LRRTM4: variants seen among roughly 807,000 people sequenced by gnomAD.
LRRTM4 encodes the protein leucine-rich repeat transmembrane neuronal protein 4.
In LRRTM4, 25 loss-of-function variants were observed where a neutral mutation model predicts 47.6. The ratio of observed to expected loss-of-function variants is 0.53; its 90% CI spans 0.38 to 0.73. The LOEUF (loss-of-function observed/expected upper bound fraction) is 0.73, where lower values mean the gene tolerates loss of function less well. LRRTM4 is among the 30% of genes least tolerant of loss of function. The pLI is 0.00. For missense variants in LRRTM4, 638 were observed against 713.4 expected, an observed-to-expected ratio of 0.89 and a Z score of 1.20; for synonymous variants, 311 against 269.5, an observed-to-expected ratio of 1.15 and a Z score of -1.51.
At chr2:77,320,599 G>C (rs572006600) in intron 3 of LRRTM4, among the ~76,000 whole-genome samples, 5 of 152,110 alleles carry the variant, frequency 3.3e-5, no homozygotes, top group Admixed American at 6.6e-5. Context: ...GGATATAAGA[G>C]AAATGGAGGC....
rs145226354 is a variant in LRRTM4 at position 76,805,250 on chromosome 2, A to G, written c.1552-56334T>C. Reference sequence around the variant, plus strand: ...TAAAAAATTGTGTACAAACATCCCAATTGAGATGGCCAGGGGAAAGGTACA... The same window carrying G: ...TAAAAAATTGTGTACAAACATCCCAGTTGAGATGGCCAGGGGAAAGGTACA... On this transcript the variant is annotated intron_variant, in intron 3 of 3. Coordinates refer to ENST00000409884, the MANE Select transcript of LRRTM4 (RefSeq NM_001134745.3). Among the ~76,000 whole-genome samples the G allele has an allele frequency of 3.2e-3, 488 of 152,240 alleles. 3 individuals carry two copies. Among genetic ancestry groups the G allele is most frequent in the African/African-American group, 0.011 (457 of 41,552 alleles).
intron 3 of LRRTM4, among the ~76,000 whole-genome samples, chr2:76,972,361 C>G (rs1487828488): frequency 6.6e-6 from 1 of 151,360 alleles, no homozygotes; most frequent in Admixed American, 6.6e-5. Flanking sequence ...TCACCTGTCA[C>G]TCTCTGCCTT....
intron 3 of LRRTM4, among the ~76,000 whole-genome samples, chr2:77,503,871 A>T (rs6761838): frequency 0.33 from 49,772 of 151,292 alleles, 8,348 homozygotes; most frequent in Middle Eastern, 0.35. Flanking sequence ...AGAATTTTTT[A>T]AAAAATTATA....
chr2:76,929,138 A>G (rs531576005), intron 3 of LRRTM4, among the ~76,000 whole-genome samples: 90 of 152,200 alleles, frequency 5.9e-4, no homozygotes, highest in Non-Finnish European at 1.1e-3. Context: ...TCAGCCTCTC[A>G]GGAGGAGCTC....
At chr2:76,831,213 G>A (rs1008436632) in intron 3 of LRRTM4, among the ~76,000 whole-genome samples, 4 of 152,244 alleles carry the variant, frequency 2.6e-5, no homozygotes, top group African/African-American at 9.6e-5. Flanking sequence ...ATATGTGTGT[G>A]TGTGAAATGA....
chr2:76,963,050 CATA>C (rs1234948207), intron 3 of LRRTM4, among the ~76,000 whole-genome samples: 3 of 150,552 alleles, frequency 2.0e-5, no homozygotes, highest in Non-Finnish European at 3.0e-5. Flanking sequence ...ATAAATTATG[CATA>C]ATAAATTTAG....
intron 3 of LRRTM4, among the ~76,000 whole-genome samples, chr2:77,142,054 C>G (rs942325918): frequency 2.6e-5 from 4 of 152,154 alleles, no homozygotes; most frequent in Non-Finnish European, 4.4e-5. Flanking sequence ...CAACAGATTG[C>G]TTGTCAGTAT....
intron 3 of LRRTM4, among the ~76,000 whole-genome samples, chr2:77,036,484 GTTGACCA>G (rs1678841579): frequency 2.0e-5 from 3 of 151,600 alleles, no homozygotes; most frequent in African/African-American, 7.3e-5. Flanking sequence ...CAGAACTATT[GTTGACCA>G]GCCCAGTAAA....
chr2:77,385,641 C>T (rs1290068815), intron 3 of LRRTM4, among the ~76,000 whole-genome samples: 1 of 151,576 alleles, frequency 6.6e-6, no homozygotes, highest in Non-Finnish European at 1.5e-5. Flanking sequence ...GTATTAATCT[C>T]AAATTTTCAC....
intron 3 of LRRTM4, among the ~76,000 whole-genome samples, chr2:76,918,003 A>G (rs1397427472): frequency 6.6e-6 from 1 of 152,168 alleles, no homozygotes; most frequent in Non-Finnish European, 1.5e-5. Flanking sequence ...ACAGGCAAAA[A>G]TATGTCACCC....
intron 3 of LRRTM4, among the ~76,000 whole-genome samples, chr2:77,309,507 T>C (rs1677385325): frequency 6.6e-6 from 1 of 152,066 alleles, no homozygotes; most frequent in African/African-American, 2.4e-5. Flanking sequence ...ATGGAGGTAA[T>C]CCAAGGCTCA....
At position 77,078,394 on chromosome 2, in the gene LRRTM4, A is replaced by C. The variant is rs1447302820; in HGVS notation, c.1552-329478T>G. 4.6e-5 allele frequency among the ~76,000 whole-genome samples: 7 copies of C among 151,792 alleles called. No homozygotes were observed. The South Asian group carries it at 1.0e-3, about 23-fold the overall frequency. Reference sequence around the variant, plus strand: ...TACACACACACCCACACACACACACACACACACACACACATGTTCTGGTGC... The same window carrying C: ...TACACACACACCCACACACACACACCCACACACACACACATGTTCTGGTGC... On this transcript the variant is annotated intron_variant, in intron 3 of 3. Transcript: ENST00000409884.
At chr2:77,242,379 G>A (rs1034037946) in intron 3 of LRRTM4, among the ~76,000 whole-genome samples, 7 of 152,072 alleles carry the variant, frequency 4.6e-5, no homozygotes, top group Admixed American at 1.3e-4. Context: ...GAGTGAAAAT[G>A]CAACCATCCA....
At chr2:77,234,451 G>A (rs2103976685) in intron 3 of LRRTM4, among the ~76,000 whole-genome samples, 1 of 152,280 alleles carries the variant, frequency 6.6e-6, no homozygotes, top group Middle Eastern at 3.4e-3. Context: ...ATGTCTACAA[G>A]TGTAAAAAAT....
intron 3 of LRRTM4, among the ~76,000 whole-genome samples, chr2:77,482,182 G>T (rs550909607): frequency 6.8e-6 from 1 of 147,904 alleles, no homozygotes; most frequent in East Asian, 1.9e-4. Context: ...GACCATAGAG[G>T]ATTCTCACTA....
At chr2:77,105,620 T>G (rs1671075372) in intron 3 of LRRTM4, among the ~76,000 whole-genome samples, 1 of 152,102 alleles carries the variant, frequency 6.6e-6, no homozygotes, top group African/African-American at 2.4e-5. Flanking sequence ...GTAACTAACC[T>G]GCACGTTGTG....
intron 3 of LRRTM4, among the ~76,000 whole-genome samples, chr2:77,107,613 G>A (rs1225290138): frequency 1.3e-5 from 2 of 152,106 alleles, no homozygotes; most frequent in Admixed American, 1.3e-4. Flanking sequence ...GAGGTTGGGA[G>A]TTCGAGACCA....
At chr2:77,306,895 A>ATTTTTTTTTTTTTTTT (rs1491512359) in intron 3 of LRRTM4, among the ~76,000 whole-genome samples, 10 of 125,576 alleles carry the variant, frequency 8.0e-5, no homozygotes, top group African/African-American at 3.5e-4. Context: ...CTGCTTTTCC[A>ATTTTTTTTTTTTTTTT]TATTTTTTTT....
chr2:77,401,621 A>C (rs1673960627), intron 3 of LRRTM4, among the ~76,000 whole-genome samples: 1 of 151,984 alleles, frequency 6.6e-6, no homozygotes, highest in African/African-American at 2.4e-5. Context: ...ATAAATATTT[A>C]AATATTGTAT....
Sources: allele counts gnomAD v4.1 joint callset (sites outside exome capture counted in the v4.1 genomes callset), GRCh38; gene constraint gnomAD v4.1.1; transcripts MANE v1.5; gene names NCBI Gene and HGNC (gene_info 2026-07-23, HGNC 2026-07-21).